Variants in MTSS2 observed in about 807,000 individuals in gnomAD.
MTSS2 encodes the protein protein MTSS 2.
In MTSS2, 27 loss-of-function variants were observed where a neutral mutation model predicts 67.1. The observed-to-expected ratio is 0.40, with a 90% CI of 0.30 to 0.55. The LOEUF is 0.55. MTSS2 is among the 20% of genes least tolerant of loss of function. The probability of loss-of-function intolerance (pLI) is 0.43; values close to 1 mark genes in which losing one functional copy is unlikely to be tolerated. For synonymous variants in MTSS2, 624 were observed against 468.6 expected (o/e 1.33, Z -4.28); for missense variants, 1,171 against 1,067.8 (o/e 1.10, Z -1.35).
At position 70,669,818 on chromosome 16, in the gene MTSS2, T is replaced by TAAAAA. The variant is rs3058050; in HGVS notation, c.1054-4283_1054-4279dup. Among the ~76,000 whole-genome samples, 883 of 145,828 alleles carry TAAAAA rather than the reference T, an allele frequency of 6.1e-3. 11 individuals carry two copies. The highest frequency in any genetic ancestry group is 0.018 in the African/African-American group (693 of 39,502). ...GGCAACAGAGTGAGACTCTGTCTCA[T>TAAAAA]AAAAAAAAAAGTATGAAAAGGTGTT... On this transcript the variant is annotated intron_variant, in intron 11 of 14. Coordinates refer to ENST00000338779, the MANE Select transcript of MTSS2 (RefSeq NM_138383.3).
Position 70,678,245 on chromosome 16 carries a change from G to T in MTSS2, c.624+7C>A. 6.2e-7 allele frequency: 1 copy of T among 1,603,414 alleles called. No homozygotes were observed. Among genetic ancestry groups the T allele is most frequent in the Non-Finnish European group, 8.5e-7 (1 of 1,175,452 alleles). ...CCCTCTGGGGTCTGAGTCCCCAGGAGTCCCACCACCACAGGCTGCAGGAAG... is the reference window on the plus strand; with the variant it reads ...CCCTCTGGGGTCTGAGTCCCCAGGATTCCCACCACCACAGGCTGCAGGAAG... On this transcript the variant is annotated splice_region_variant and intron_variant, in intron 8 of 14. Transcript: ENST00000338779.
At position 70,664,116 on chromosome 16, in the gene MTSS2, G is replaced by C; in HGVS notation, c.1805C>G (p.Pro602Arg). ...PVKTPTVPDS[P>R]GYMGPTRAGS... is the part of the protein sequence containing the mutation. ...CGCCCGTGTGGGCCCCATGTAGCCGGGGGAGTCAGGCACCGTGGGCGTCTT... is the reference window on the plus strand; with the variant it reads ...CGCCCGTGTGGGCCCCATGTAGCCGCGGGAGTCAGGCACCGTGGGCGTCTT... Residue 602 changes from proline to arginine, a missense_variant, in exon 15 of 15, where the codon CCC (proline) becomes CGC (arginine). Coordinates refer to ENST00000338779, the MANE Select transcript of MTSS2 (RefSeq NM_138383.3). 1 of 1,611,634 alleles carries C rather than the reference G, an allele frequency of 6.2e-7. No individual in the cohort carries two copies. Among genetic ancestry groups the C allele is most frequent in the Non-Finnish European group, 8.5e-7 (1 of 1,179,720 alleles).
intron 1 of MTSS2, among the ~76,000 whole-genome samples, chr16:70,684,928 G>T (rs761320216): frequency 6.6e-6 from 1 of 152,172 alleles, no homozygotes; most frequent in Non-Finnish European, 1.5e-5. Context: ...TAGTGACCTT[G>T]AGCCATTTCC....
intron 11 of MTSS2, among the ~76,000 whole-genome samples, chr16:70,672,567 A>C (rs1249927291): frequency 6.6e-6 from 1 of 151,572 alleles, no homozygotes; most frequent in Admixed American, 6.6e-5. Flanking sequence ...TTCTGGGAAG[A>C]GTATATGGGA....
Position 70,661,638 on chromosome 16 carries a change from C to T in MTSS2, c.*2039G>A, listed in dbSNP as rs867468772. The T allele has an allele frequency of 7.0e-5, 23 of 326,376 alleles. No individual in the cohort carries two copies. Among genetic ancestry groups the T allele is most frequent in the East Asian group, 1.8e-4 (2 of 11,096 alleles). 20.2% of individuals were successfully genotyped at this position (326,376 alleles called of 1,614,324 possible). On this transcript the variant is annotated 3_prime_UTR_variant, in exon 15 of 15. Transcript: ENST00000338779. ...GGTGGTTGCTAAGTCGACGCAAGGG[C>T]GGCGGGGGTGGTCTCAGGGATGGAC...
intron 11 of MTSS2, among the ~76,000 whole-genome samples, chr16:70,668,997 A>G (rs1165457449): frequency 2.0e-5 from 3 of 152,068 alleles, no homozygotes; most frequent in Non-Finnish European, 4.4e-5. Flanking sequence ...AAGGACCCCT[A>G]CCTCACACCA....
At chr16:70,667,874 G>GA (rs898330373) in intron 11 of MTSS2, among the ~76,000 whole-genome samples, 25 of 149,200 alleles carry the variant, frequency 1.7e-4, no homozygotes, top group Non-Finnish European at 3.3e-4. Context: ...CTCTGCCTCA[G>GA]AAAAAAAACC....
chr16:70,679,163 G>T, intron 7 of MTSS2, 152 bp downstream of exon 7: 1 of 930,958 alleles, frequency 1.1e-6, no homozygotes, highest in Non-Finnish European at 1.7e-6. Flanking sequence ...GCCCCAGGGG[G>T]ACTGTGCCCC....
At position 70,663,647 on chromosome 16, in the gene MTSS2, G is replaced by C. The variant is rs2052574530; in HGVS notation, c.*30C>G. On this transcript the variant is annotated 3_prime_UTR_variant, in exon 15 of 15. Coordinates refer to ENST00000338779, the MANE Select transcript of MTSS2 (RefSeq NM_138383.3). Reference sequence around the variant, plus strand: ...CAGACCAGGCCACCTGCTCGCACTGGGGCCTGAGAGGATGGGGAGGGTGGC... The same window carrying C: ...CAGACCAGGCCACCTGCTCGCACTGCGGCCTGAGAGGATGGGGAGGGTGGC... The C allele has an allele frequency of 6.5e-7, 1 of 1,534,152 alleles. No individual in the cohort carries two copies. The highest frequency in any genetic ancestry group is 8.8e-7 in the Non-Finnish European group (1 of 1,140,622).
chr16:70,669,289 C>G (rs939757205), intron 11 of MTSS2, among the ~76,000 whole-genome samples: 6 of 152,126 alleles, frequency 3.9e-5, no homozygotes, highest in African/African-American at 1.4e-4. Flanking sequence ...CTAAAAAGTT[C>G]TATAAATTGG....
At position 70,676,802 on chromosome 16, in the gene MTSS2, A is replaced by G. The variant is rs2053129799; in HGVS notation, c.830+79T>C. The G allele has an allele frequency of 3.2e-6, 4 of 1,259,092 alleles. No individual in the cohort carries two copies. In the Admixed American group the frequency reaches 7.6e-5, roughly 24 times the overall value. The allele number at this position is 1,259,092 out of a possible 1,614,324, so 78.0% of individuals were successfully genotyped here. Reference sequence around the variant, plus strand: ...TTTTGAGGCCCTGAAGCAATTTCTGATGCAATTTTGCTGGGAACATCCCCA... The same window carrying G: ...TTTTGAGGCCCTGAAGCAATTTCTGGTGCAATTTTGCTGGGAACATCCCCA... On this transcript the variant is annotated intron_variant, in intron 10 of 14. Transcript: ENST00000338779.
Position 70,680,065 on chromosome 16 carries a change from C to T in MTSS2, c.206-10G>A. On this transcript the variant is annotated splice_polypyrimidine_tract_variant and intron_variant, in intron 3 of 14. Transcript: ENST00000338779. The stretch of plus-strand genomic sequence containing the variant: ...ATGTCCCTCGTGGCCCCTGGCGAGG[C>T]AAGCGCGGGGTGGGAAGGGGCCCGC... The T allele has an allele frequency of 1.3e-6, 2 of 1,504,260 alleles. No individual in the cohort carries two copies. Among genetic ancestry groups the T allele is most frequent in the East Asian group, 2.7e-5 (1 of 37,022 alleles). 93.2% of individuals were successfully genotyped at this position (1,504,260 alleles called of 1,614,324 possible).
intron 9 of MTSS2, 77 bp downstream of exon 9, chr16:70,677,715 C>A: frequency 8.5e-7 from 1 of 1,179,758 alleles, no homozygotes; most frequent in Non-Finnish European, 1.2e-6. Context: ...CTCTTTTCCC[C>A]TTTACTGTTC....
chr16:70,680,256 C>G (rs2053261193), intron 3 of MTSS2, among the ~76,000 whole-genome samples: 1 of 152,130 alleles, frequency 6.6e-6, no homozygotes, highest in Non-Finnish European at 1.5e-5. Context: ...CCCAGCCGCG[C>G]CAGCCTCCTG....
At chr16:70,681,528 G>C (rs966836610) in intron 1 of MTSS2, among the ~76,000 whole-genome samples, 1 of 152,374 alleles carries the variant, frequency 6.6e-6, no homozygotes, top group South Asian at 2.1e-4. Context: ...GGCCTCCGGG[G>C]CCCCTGCCCT....
chr16:70,673,283 T>C (rs2053002731), intron 11 of MTSS2, among the ~76,000 whole-genome samples: 1 of 152,162 alleles, frequency 6.6e-6, no homozygotes, highest in Non-Finnish European at 1.5e-5. Flanking sequence ...AGACACGCTG[T>C]AGCAAAACTA....
At position 70,664,736 on chromosome 16, in the gene MTSS2, T is replaced by G; in HGVS notation, c.1333A>C (p.Ser445Arg). Reference protein sequence around the residue: ...KHGEEVSPAASDLAMVLTRGL... With the variant: ...KHGEEVSPAARDLAMVLTRGL... The stretch of plus-strand genomic sequence containing the variant: ...CGCGTCAGCACCATGGCCAGGTCAC[T>G]GGCGGCGGGGGACACCTCCTCACCG... The change falls in exon 14 of 15, where the codon AGT becomes CGT. Residue 445 changes from serine to arginine, a missense_variant. By Grantham distance (110) the Ser-to-Arg change is moderately radical (BLOSUM62 -1). This residue lies in a region of MTSS2 where 924 missense variants were observed against 756.0 expected (regional missense o/e 1.22). Transcript: ENST00000338779. 6.2e-7 allele frequency: 1 copy of G among 1,612,574 alleles called. No individual in the cohort carries two copies. The highest frequency in any genetic ancestry group is 8.5e-7 in the Non-Finnish European group (1 of 1,179,596).
chr16:70,667,492 C>T (rs543986833), intron 11 of MTSS2, among the ~76,000 whole-genome samples: 2 of 152,208 alleles, frequency 1.3e-5, no homozygotes, highest in Admixed American at 1.3e-4. Context: ...CACCCTAAAA[C>T]ATCAGTGTAA....
At chr16:70,678,545 G>T in intron 7 of MTSS2, 136 bp from the exon 8 acceptor site, 1 of 976,434 alleles carries the variant, frequency 1.0e-6, no homozygotes, top group Non-Finnish European at 1.5e-6. Flanking sequence ...GGACTGCGGA[G>T]GGCAGTGAGG....
Sources: allele counts gnomAD v4.1 joint callset (sites outside exome capture counted in the v4.1 genomes callset), GRCh38; gene constraint gnomAD v4.1.1; regional missense constraint gnomAD v4.1.1; transcripts MANE v1.5; gene names NCBI Gene and HGNC (gene_info 2026-07-23, HGNC 2026-07-21).